The following LIMK2 variants were observed in gnomAD, a reference collection of about 807,000 sequenced individuals.
LIMK2 encodes LIM domain kinase 2.
A neutral mutation model predicts 75.7 loss-of-function variants in LIMK2; 35 were observed. The observed-to-expected ratio is 0.46, with a 90% CI of 0.35 to 0.61. The LOEUF is 0.61. LIMK2 is among the 20% of genes least tolerant of loss of function. The probability of loss-of-function intolerance (pLI) is 0.00; values close to 1 mark genes in which losing one functional copy is unlikely to be tolerated. For synonymous variants in LIMK2, 301 were observed against 319.2 expected (o/e 0.94, Z 0.61); for missense variants, 623 against 831.0 (o/e 0.75, Z 3.08).
At chr22:31,237,680 T>C (rs1361509128) in intron 2 of LIMK2, among the ~76,000 whole-genome samples, 1 of 152,164 alleles carries the variant, frequency 6.6e-6, no homozygotes, top group African/African-American at 2.4e-5. Flanking sequence ...AGAGCACTCA[T>C]GAATGTTTGT....
chr22:31,262,666 C>A lies in LIMK2; in HGVS notation c.729C>A (p.Arg243=), dbSNP rs752257088. The part of the protein sequence containing the change: ...LLIEHDPVSQ[R]LDQLRLEARL... The stretch of plus-strand genomic sequence containing the variant: ...TTGAACATGACCCCGTCTCCCAACG[C>A]CTGGACCAGCTGCGGCTGGAGGCCC... The change falls in exon 7 of 16, where the codon CGC becomes CGA. Residue 243 remains arginine, a synonymous_variant. Transcript: ENST00000331728. The surrounding 1 kb of genome is among the most constrained non-coding windows in gnomAD (Gnocchi z 5.0). The A allele has an allele frequency of 3.1e-6, 5 of 1,614,198 alleles. No homozygotes were observed. The South Asian group carries it at 3.3e-5, about 11-fold the overall frequency.
At chr22:31,236,293 TAA>T (rs58401512) in intron 2 of LIMK2, among the ~76,000 whole-genome samples, 16 of 104,106 alleles carry the variant, frequency 1.5e-4, no homozygotes, top group Non-Finnish European at 1.8e-4. Flanking sequence ...AGACTCAGTC[TAA>T]AAAAAAAAAA....
In LIMK2 at chr22:31,258,438, C is replaced by T; in HGVS notation, c.252+12C>T. The T allele has an allele frequency of 1.2e-6, 2 of 1,613,618 alleles. No homozygotes were observed. Among genetic ancestry groups the T allele is most frequent in the Non-Finnish European group, 1.7e-6 (2 of 1,179,718 alleles). ...CAGGGCCTTTTATGGTGAGTGAATC[C>T]CTTCATATCTGCCCCTCTTGGTCTT... On this transcript the variant is annotated intron_variant, in intron 3 of 15. Transcript: ENST00000331728.
At chr22:31,217,372 G>A (rs1488512687) in intron 1 of LIMK2, among the ~76,000 whole-genome samples, 1 of 151,856 alleles carries the variant, frequency 6.6e-6, no homozygotes, top group Non-Finnish European at 1.5e-5. Flanking sequence ...ACTCCAGCCT[G>A]GGTGACAGAG....
At chr22:31,253,766 C>T (rs1239388253) in intron 2 of LIMK2, among the ~76,000 whole-genome samples, 1 of 152,232 alleles carries the variant, frequency 6.6e-6, no homozygotes, top group Non-Finnish European at 1.5e-5. Flanking sequence ...TTCTGTAAAA[C>T]AGGGATAATC....
chr22:31,248,616 T>C, intron 2 of LIMK2: 1 of 1,611,456 alleles, frequency 6.2e-7, no homozygotes, highest in Non-Finnish European at 8.5e-7. Flanking sequence ...CAGCCAGAGG[T>C]GCCGGGAGCC....
chr22:31,237,016 C>T (rs2048582694), intron 2 of LIMK2, among the ~76,000 whole-genome samples: 1 of 151,848 alleles, frequency 6.6e-6, no homozygotes, highest in Non-Finnish European at 1.5e-5. Flanking sequence ...AATCCCAGCA[C>T]TTTGGGAGGC....
chr22:31,239,395 A>G (rs1468514117), intron 2 of LIMK2, among the ~76,000 whole-genome samples: 1 of 152,234 alleles, frequency 6.6e-6, no homozygotes, highest in African/African-American at 2.4e-5. Context: ...ATTGCTGCCC[A>G]TATGTGCCAT....
chr22:31,271,659 C>G (rs2048958092), intron 12 of LIMK2, among the ~76,000 whole-genome samples: 1 of 152,086 alleles, frequency 6.6e-6, no homozygotes, highest in African/African-American at 2.4e-5. Context: ...TGTTGTTTGT[C>G]TTACTGACTT....
intron 1 of LIMK2, 142 bp downstream of exon 1, chr22:31,212,566 C>T (rs925547963): frequency 7.7e-6 from 6 of 774,584 alleles, no homozygotes; most frequent in Admixed American, 4.2e-5. Flanking sequence ...AGCTGGGAGG[C>T]GGGGTGGGCA....
intron 2 of LIMK2, among the ~76,000 whole-genome samples, chr22:31,240,549 G>A (rs1255471011): frequency 2.0e-5 from 3 of 151,320 alleles, no homozygotes; most frequent in African/African-American, 4.9e-5. Flanking sequence ...TCAGCCTCCC[G>A]AGGAGCTGTT....
chr22:31,268,225 A>G (rs1224430521), intron 11 of LIMK2, 25 bp downstream of exon 11: 1 of 1,598,210 alleles, frequency 6.3e-7, no homozygotes, highest in Non-Finnish European at 8.6e-7. Context: ...CAAACCTGCC[A>G]GCAGGGCGAG....
intron 1 of LIMK2, among the ~76,000 whole-genome samples, chr22:31,221,265 G>A (rs1290935843): frequency 6.6e-6 from 1 of 152,084 alleles, no homozygotes; most frequent in African/African-American, 2.4e-5. Flanking sequence ...CTTTAATGAT[G>A]TGTGAGAAGT....
At chr22:31,223,650 C>G (rs1441277762) in intron 1 of LIMK2, among the ~76,000 whole-genome samples, 2 of 152,164 alleles carry the variant, frequency 1.3e-5, no homozygotes, top group East Asian at 3.8e-4. Context: ...TGTCCACTGT[C>G]CGTAACCCAA....
intron 2 of LIMK2, among the ~76,000 whole-genome samples, chr22:31,242,963 C>T (rs1039712514): frequency 6.6e-6 from 1 of 152,204 alleles, no homozygotes; most frequent in Non-Finnish European, 1.5e-5. Context: ...GGCTCTGTCA[C>T]CTAGGCTGGT....
At chr22:31,258,151 C>A in intron 2 of LIMK2, 140 bp from the exon 3 acceptor site, 1 of 831,434 alleles carries the variant, frequency 1.2e-6, no homozygotes, top group Non-Finnish European at 1.9e-6. Flanking sequence ...GGAGATAGCA[C>A]AAGGCTGTAA....
intron 10 of LIMK2, 98 bp from the exon 11 acceptor site, chr22:31,268,046 C>T (rs5997929): frequency 0.46 from 698,445 of 1,511,142 alleles, 171,872 homozygotes; most frequent in Middle Eastern, 0.54. Context: ...TGAGCATACA[C>T]AGGGAGGCTT....
chr22:31,255,582 C>T (rs2048769952), intron 2 of LIMK2, among the ~76,000 whole-genome samples: 1 of 152,200 alleles, frequency 6.6e-6, no homozygotes, highest in South Asian at 2.1e-4. Flanking sequence ...TGCCCCTCTT[C>T]TCTACCTCCC....
chr22:31,226,259 G>C (rs1293165406), intron 2 of LIMK2, among the ~76,000 whole-genome samples: 1 of 151,842 alleles, frequency 6.6e-6, no homozygotes, highest in African/African-American at 2.4e-5. Context: ...CTGGAGTGCA[G>C]TGGTGCAATC....
Sources: allele counts gnomAD v4.1 joint callset (sites outside exome capture counted in the v4.1 genomes callset), GRCh38; gene constraint gnomAD v4.1.1; non-coding constraint Gnocchi (gnomAD v3.1); transcripts MANE v1.5; gene names NCBI Gene and HGNC (gene_info 2026-07-23, HGNC 2026-07-21).